The following CLGN variants were observed in gnomAD, a reference collection of about 807,000 sequenced individuals.
The protein encoded by CLGN is testis tissue sperm-binding protein Li 79P.
CLGN carries 62 observed loss-of-function variants against 79.1 expected under a neutral mutation model. The observed-to-expected ratio is 0.78, with a 90% CI of 0.64 to 0.97. The LOEUF (loss-of-function observed/expected upper bound fraction) is 0.97. CLGN is among the 50% of genes least tolerant of loss of function. The pLI, the probability that CLGN is intolerant of heterozygous loss-of-function variation, is 0.00. For missense variants in CLGN, 647 were observed against 715.5 expected, an observed-to-expected ratio of 0.90 and a Z score of 1.09; for synonymous variants, 225 against 224.7, an observed-to-expected ratio of 1.00 and a Z score of -0.01.
rs554171910 is a variant in CLGN, at chr4:140,413,951, G to A, written c.-9-864C>T. On this transcript the variant is annotated intron_variant, in intron 1 of 14. Transcript: ENST00000325617. ...AGCAGTAACCTCTGCAGACTTAAAC[G>A]TCCCTGTCTGACAGCTTTGAAGAGA... 3.4e-3 allele frequency among the ~76,000 whole-genome samples: 512 copies of A among 152,346 alleles called. 5 individuals are homozygous for A. The highest frequency in any genetic ancestry group is 0.012 in the African/African-American group (484 of 41,590).
chr4:140,402,080 A>G lies in CLGN; in HGVS notation c.420-14T>C. 1 of 1,370,964 alleles carries G rather than the reference A, an allele frequency of 7.3e-7. No individual in the cohort carries two copies. The highest frequency in any genetic ancestry group is 1.0e-6 in the Non-Finnish European group (1 of 980,726). 84.9% of individuals were successfully genotyped at this position (1,370,964 alleles called of 1,614,324 possible). On this transcript the variant is annotated splice_polypyrimidine_tract_variant and intron_variant, in intron 5 of 14. Transcript: ENST00000325617. ...TTTACTTCATATCTGAATAAAGGGA[A>G]AAAGAACCGTACTACTGATAAATAA...
intron 1 of CLGN, among the ~76,000 whole-genome samples, chr4:140,416,783 T>C (rs1330952826): frequency 2.0e-5 from 3 of 152,158 alleles, no homozygotes; most frequent in Non-Finnish European, 4.4e-5. Context: ...AAGGAGGAAC[T>C]GCTACCATTC....
intron 11 of CLGN, among the ~76,000 whole-genome samples, chr4:140,393,218 A>G (rs975970188): frequency 4.6e-5 from 7 of 152,240 alleles, no homozygotes; most frequent in Admixed American, 2.0e-4. Context: ...TTTAGTTACA[A>G]GAGGTTCAAA....
intron 5 of CLGN, among the ~76,000 whole-genome samples, chr4:140,403,951 T>C (rs1729043923): frequency 6.6e-6 from 1 of 152,172 alleles, no homozygotes; most frequent in South Asian, 2.1e-4. Context: ...CAATTACTGT[T>C]AGGTGGGAAA....
chr4:140,398,930 C>A lies in CLGN; in HGVS notation c.805G>T (p.Asp269Tyr), dbSNP rs1173154886. 6.2e-7 allele frequency: 1 copy of A among 1,613,852 alleles called. No individual in the cohort carries two copies. The highest frequency in any genetic ancestry group is 1.3e-5 in the African/African-American group (1 of 75,020). Reference protein sequence around the residue: ...PPIKPPKEIEDPNDKKPEEWD... With the variant: ...PPIKPPKEIEYPNDKKPEEWD... ...TCCTCAGGTTTTTTATCATTGGGAT[C>A]TTCAATTTCTTTGGGAGGTTTGATA... The change falls in exon 8 of 15, where the codon GAT (aspartate) becomes TAT (tyrosine). Residue 269 changes from aspartate to tyrosine, a missense_variant. By Grantham distance (160) the Asp-to-Tyr change is radical (BLOSUM62 -3). Transcript: ENST00000325617.
chr4:140,390,131 G>T (rs111629469), intron 14 of CLGN, among the ~76,000 whole-genome samples: 1 of 151,620 alleles, frequency 6.6e-6, no homozygotes, highest in South Asian at 2.1e-4. Context: ...ACACAAAAAG[G>T]GGTAGACTAA....
chr4:140,423,395 A>T (rs747693942), intron 1 of CLGN, among the ~76,000 whole-genome samples: 2 of 152,240 alleles, frequency 1.3e-5, no homozygotes, highest in Non-Finnish European at 2.9e-5. Flanking sequence ...CAACATGGTC[A>T]TAGTATATAA....
intron 6 of CLGN, among the ~76,000 whole-genome samples, chr4:140,401,564 T>A (rs528215419): frequency 6.6e-6 from 1 of 152,164 alleles, no homozygotes. Flanking sequence ...TCATGAAAAG[T>A]TTTTAAAATT....
rs1272486679 is a variant in CLGN, at chr4:140,401,833, G to A, written c.501+152C>T. ...ACAGCTTTATATAAAACTTGAAGGC[G>A]AATTGTAAGAGCTATGTAAATTCAC... is the stretch of plus-strand genomic sequence containing the variant. On this transcript the variant is annotated intron_variant, in intron 6 of 14. Coordinates refer to ENST00000325617, the MANE Select transcript of CLGN (RefSeq NM_004362.3). 8 of 502,130 alleles carry A rather than the reference G, an allele frequency of 1.6e-5. 1 individual carries two copies. The highest frequency in any genetic ancestry group is 7.4e-5 in the South Asian group (2 of 27,168). The allele number at this position is 502,130 out of a possible 1,614,324, so 31.1% of individuals were successfully genotyped here.
chr4:140,397,189 C>T (rs1407458678), intron 8 of CLGN, among the ~76,000 whole-genome samples: 1 of 151,880 alleles, frequency 6.6e-6, no homozygotes, highest in Non-Finnish European at 1.5e-5. Context: ...TTACACTCCA[C>T]TTCCGGTTCT....
At chr4:140,413,840 T>A (rs1231330507) in intron 1 of CLGN, among the ~76,000 whole-genome samples, 1 of 152,112 alleles carries the variant, frequency 6.6e-6, no homozygotes, top group Non-Finnish European at 1.5e-5. Flanking sequence ...AAGCTCGAAC[T>A]GGGCGGAGCC....
rs1350462196 is a variant in CLGN at position 140,389,449 on chromosome 4, G to C, written c.1753-145C>G. ...AGGTATTATATGAAATAAAGTTATA[G>C]TTATTTCTCAAGGCTATACAAAAAT... On this transcript the variant is annotated intron_variant, in intron 14 of 14. Transcript: ENST00000325617. 7.8e-6 allele frequency: 5 copies of C among 643,360 alleles called. No individual in the cohort carries two copies. In the Admixed American group the frequency reaches 1.1e-4, roughly 15 times the overall value. The allele number at this position is 643,360 out of a possible 1,614,324, so 39.9% of individuals were successfully genotyped here.
rs201629959 is a variant in CLGN, at chr4:140,389,286, T to C, written c.1771A>G (p.Ser591Gly). 1.2e-6 allele frequency: 2 copies of C among 1,612,322 alleles called. No homozygotes were observed. Among genetic ancestry groups the C allele is most frequent in the Admixed American group, 1.7e-5 (1 of 59,966 alleles). Residue 591 changes from serine (S) to glycine (G), a missense_variant, in exon 15 of 15, where the codon AGC becomes GGC. Ser to Gly is a moderately conservative substitution (Grantham distance 56). Transcript: ENST00000325617. Reference protein sequence around the residue: ...SEDEMKEADESTGSGDGPIKS... With the variant: ...SEDEMKEADEGTGSGDGPIKS... Reference sequence around the variant, plus strand: ...ATCGGCCCATCTCCAGATCCTGTGCTCTCATCTGCTTCTTTCATCTAGAAA... The same window carrying C: ...ATCGGCCCATCTCCAGATCCTGTGCCCTCATCTGCTTCTTTCATCTAGAAA...
At chr4:140,389,362 T>C (rs2126611429) in intron 14 of CLGN, 58 bp from the exon 15 acceptor site, 1 of 1,163,802 alleles carries the variant, frequency 8.6e-7, no homozygotes, top group East Asian at 2.4e-5. Context: ...TAGTAGATAG[T>C]AGTAAACAAT....
chr4:140,414,757 C>T (rs1265311784), intron 1 of CLGN, among the ~76,000 whole-genome samples: 1 of 148,742 alleles, frequency 6.7e-6, no homozygotes, highest in East Asian at 1.9e-4. Flanking sequence ...GAGAATGGAA[C>T]CAAGTTGGAA....
chr4:140,389,154 T>G lies in CLGN; in HGVS notation c.*70A>C. The G allele has an allele frequency of 8.5e-7, 1 of 1,174,536 alleles. No individual in the cohort carries two copies. Among genetic ancestry groups the G allele is most frequent in the Non-Finnish European group, 1.3e-6 (1 of 783,620 alleles). The allele number at this position is 1,174,536 out of a possible 1,614,324, so 72.8% of individuals were successfully genotyped here. On this transcript the variant is annotated 3_prime_UTR_variant, in exon 15 of 15. Transcript: ENST00000325617. The stretch of plus-strand genomic sequence containing the variant: ...ACAGGATGTGCAGACTGATTAAAGT[T>G]CAGGTCTGGCATGCTGATTTTTACA...
At chr4:140,427,183 CTCCTCAAG>C (rs1400691797) in intron 1 of CLGN, among the ~76,000 whole-genome samples, 1 of 152,328 alleles carries the variant, frequency 6.6e-6, no homozygotes, top group African/African-American at 2.4e-5. Flanking sequence ...CTCCCGGTGG[CTCCTCAAG>C]CCCGCAGGGG....
Position 140,410,542 on chromosome 4 carries a change from T to TCAA in CLGN, c.218+10_218+11insTTG, listed in dbSNP as rs764999322. 1.3e-6 allele frequency: 2 copies of TCAA among 1,569,572 alleles called. No homozygotes were observed. Among genetic ancestry groups the TCAA allele is most frequent in the African/African-American group, 2.7e-5 (2 of 73,890 alleles). On this transcript the variant is annotated intron_variant, in intron 3 of 14. Coordinates refer to ENST00000325617, the MANE Select transcript of CLGN (RefSeq NM_004362.3). ...AAATCAAAGAAAACATTCTCTTGAATGAATACTCACCCAGCCAACCTTCCA... is the reference window on the plus strand; with the variant it reads ...AAATCAAAGAAAACATTCTCTTGAATCAAGAATACTCACCCAGCCAACCTTCCA...
At chr4:140,389,603 A>C (rs1353752651) in intron 14 of CLGN, among the ~76,000 whole-genome samples, 1 of 151,792 alleles carries the variant, frequency 6.6e-6, no homozygotes, top group African/African-American at 2.4e-5. Flanking sequence ...TATTCAAGTA[A>C]ATGACTGCAG....
Sources: gnomAD v4.1 joint callset for allele counts (sites outside exome capture counted in the v4.1 genomes callset) on GRCh38, gnomAD v4.1.1 for gene constraint, MANE v1.5 for transcripts, NCBI Gene and HGNC (gene_info 2026-07-23, HGNC 2026-07-21) for gene names.